Variants in NAF1 observed in about 807,000 individuals in gnomAD.
NAF1 encodes the protein H/ACA ribonucleoprotein complex non-core subunit NAF1.
NAF1 carries 11 observed loss-of-function variants against 40.6 expected under a neutral mutation model. The observed-to-expected ratio is 0.27, with a 90% CI of 0.17 to 0.45. The LOEUF (loss-of-function observed/expected upper bound fraction) is 0.45, where lower values mean the gene tolerates loss of function less well. Among genes scored for constraint, NAF1 ranks in the 20% least tolerant of loss-of-function variants. NAF1 has a pLI of 1.00. For synonymous variants in NAF1, 260 were observed against 228.5 expected (o/e 1.14, Z -1.24); for missense variants, 607 against 611.1 (o/e 0.99, Z 0.07).
intron 2 of NAF1, among the ~76,000 whole-genome samples, chr4:163,149,070 C>T (rs900694951): frequency 1.1e-4 from 17 of 152,156 alleles, no homozygotes; most frequent in African/African-American, 3.6e-4. Flanking sequence ...TTTCTTTACA[C>T]CTAAAGATTT....
chr4:163,127,865 A>C (rs1305946085), downstream of NAF1, among the ~76,000 whole-genome samples: 1 of 152,196 alleles, frequency 6.6e-6, no homozygotes. Flanking sequence ...AAAGGAATGT[A>C]AGATTGGGAA....
downstream of NAF1, among the ~76,000 whole-genome samples, chr4:163,125,677 G>A (rs1333467731): frequency 2.0e-5 from 3 of 152,200 alleles, no homozygotes; most frequent in Admixed American, 6.5e-5. Flanking sequence ...AAGTTATCCA[G>A]AAGATCTAGA....
At position 163,149,006 on chromosome 4, in the gene NAF1, T is replaced by C. The variant is rs116380506; in HGVS notation, c.541-572A>G. 8.1e-3 allele frequency among the ~76,000 whole-genome samples: 1,231 copies of C among 152,266 alleles called. 9 individuals carry two copies. Among genetic ancestry groups the C allele is most frequent in the Non-Finnish European group, 0.014 (952 of 67,982 alleles). On this transcript the variant is annotated intron_variant, in intron 2 of 7. Coordinates refer to ENST00000274054, the MANE Select transcript of NAF1 (RefSeq NM_138386.3). ...AAAAAAGAATATAGGCTTTAGCCTA[T>C]AAAAACTATGAAGGTGTTGCCTGAT...
At chr4:163,111,028 C>T (rs1560773747) in intron 2 of NAF1, among the ~76,000 whole-genome samples, 1 of 152,082 alleles carries the variant, frequency 6.6e-6, no homozygotes, top group Non-Finnish European at 1.5e-5. Flanking sequence ...TTTGAAGGTT[C>T]CTCAGAAAAC....
chr4:163,117,718 CGCAT>C (rs140995349), intron 2 of NAF1, among the ~76,000 whole-genome samples: 5 of 141,174 alleles, frequency 3.5e-5, no homozygotes, highest in South Asian at 2.2e-4. Flanking sequence ...CACACACACA[CGCAT>C]GAATACATCA....
At chr4:163,157,827 A>G (rs1304223343) in intron 2 of NAF1, among the ~76,000 whole-genome samples, 1 of 152,128 alleles carries the variant, frequency 6.6e-6, no homozygotes, top group East Asian at 1.9e-4. Flanking sequence ...GGTTATAGAC[A>G]TACCAGTCAA....
chr4:163,142,870 G>A lies in NAF1; in HGVS notation c.718-2487C>T, dbSNP rs543883244. Among the ~76,000 whole-genome samples, 154 of 152,232 alleles carry A rather than the reference G, an allele frequency of 1.0e-3. 2 individuals carry two copies. The highest frequency in any genetic ancestry group is 6.8e-3 in the Middle Eastern group (2 of 294). ...CTTAAGACACAGCAAGGCTCAGGCC[G>A]GCCCACTTCTCCTCATACAGCTCCA... On this transcript the variant is annotated intron_variant, in intron 4 of 7. Coordinates refer to ENST00000274054, the MANE Select transcript of NAF1 (RefSeq NM_138386.3).
intron 2 of NAF1, among the ~76,000 whole-genome samples, chr4:163,110,782 T>C (rs1190025230): frequency 6.6e-6 from 1 of 152,172 alleles, no homozygotes; most frequent in Non-Finnish European, 1.5e-5. Flanking sequence ...TAACTCAAAA[T>C]TGATGAGCTC....
At chr4:163,159,308 A>T (rs57604572) in intron 2 of NAF1, among the ~76,000 whole-genome samples, 2 of 152,258 alleles carry the variant, frequency 1.3e-5, no homozygotes, top group East Asian at 3.9e-4. Context: ...ATGAAAAATG[A>T]TCTTAAGTAT....
intron 4 of NAF1, chr4:163,143,906 T>A (rs1731358069): frequency 7.4e-6 from 3 of 406,948 alleles, no homozygotes; most frequent in Non-Finnish European, 9.9e-6. Flanking sequence ...ACGAATAGAG[T>A]ATTCTAATCT....
At chr4:163,148,246 G>T (rs1244298622) in intron 3 of NAF1, 95 bp downstream of exon 3, 8 of 642,518 alleles carry the variant, frequency 1.2e-5, no homozygotes, top group African/African-American at 1.9e-5. Flanking sequence ...TGTTAATTAC[G>T]TATGTCAAAG....
chr4:163,149,031 T>C (rs1463459953), intron 2 of NAF1, among the ~76,000 whole-genome samples: 1 of 152,172 alleles, frequency 6.6e-6, no homozygotes, highest in Admixed American at 6.5e-5. Context: ...TGTTGCCTGA[T>C]ACCTTCTCTC....
intron 5 of NAF1, among the ~76,000 whole-genome samples, chr4:163,138,584 A>C (rs1731145027): frequency 6.6e-6 from 1 of 152,090 alleles, no homozygotes; most frequent in Non-Finnish European, 1.5e-5. Flanking sequence ...CTCTACCTCA[A>C]AGACAAAGTA....
At chr4:163,148,282 T>C (rs1040551300) in intron 3 of NAF1, 59 bp downstream of exon 3, 6 of 1,030,576 alleles carry the variant, frequency 5.8e-6, no homozygotes, top group Middle Eastern at 2.2e-4. Flanking sequence ...TAAAAGTCAT[T>C]GATTCAATTA....
chr4:163,110,086 T>G (rs1730115020), exon 3 of NAF1: 1 of 474,490 alleles, frequency 2.1e-6, no homozygotes, highest in Middle Eastern at 3.3e-4. Context: ...TTTTCATTAT[T>G]TATTTAGGCA....
At chr4:163,158,640 G>A (rs112988628) in intron 2 of NAF1, among the ~76,000 whole-genome samples, 1,411 of 81,136 alleles carry the variant, frequency 0.017, 29 homozygotes, top group African/African-American at 0.058. Context: ...TTACTGTTAA[G>A]AGAAACAAAG....
At chr4:163,116,613 T>C (rs191235662) in intron 2 of NAF1, among the ~76,000 whole-genome samples, 89 of 152,290 alleles carry the variant, frequency 5.8e-4, no homozygotes, top group South Asian at 2.9e-3. Flanking sequence ...AATCCTACAA[T>C]AGTGGCTACA....
downstream of NAF1, among the ~76,000 whole-genome samples, chr4:163,127,517 G>C (rs962263856): frequency 1.3e-5 from 2 of 152,136 alleles, no homozygotes; most frequent in Admixed American, 1.3e-4. Context: ...TTGTGGAAAA[G>C]GATTTGGGTT....
chr4:163,153,403 G>C (rs1388423932), intron 2 of NAF1, among the ~76,000 whole-genome samples: 2 of 152,340 alleles, frequency 1.3e-5, no homozygotes, highest in East Asian at 1.9e-4. Context: ...CTCAAGGTTT[G>C]TAAGTGCACC....
Sources: allele counts gnomAD v4.1 joint callset (sites outside exome capture counted in the v4.1 genomes callset), GRCh38; gene constraint gnomAD v4.1.1; transcripts MANE v1.5; gene names NCBI Gene and HGNC (gene_info 2026-07-23, HGNC 2026-07-21).